Variants in FSTL5 observed in about 807,000 individuals in gnomAD.
The protein encoded by FSTL5 is follistatin-related protein 5.
Under a neutral mutation model 89.1 loss-of-function variants are expected in FSTL5, and 62 were observed. That is an observed-to-expected ratio of 0.70 (90% confidence interval 0.57 to 0.86). FSTL5 has a LOEUF of 0.86. FSTL5 is among the 40% of genes least tolerant of loss of function. FSTL5 has a pLI of 0.00. For synonymous variants in FSTL5, 383 were observed against 346.2 expected (o/e 1.11, Z -1.18); for missense variants, 1,057 against 1,001.6 (o/e 1.06, Z -0.75).
At chr4:162,125,165 T>C (rs1333832721) in intron 1 of FSTL5, among the ~76,000 whole-genome samples, 1 of 152,194 alleles carries the variant, frequency 6.6e-6, no homozygotes, top group Non-Finnish European at 1.5e-5. Context: ...TCAATTTTGG[T>C]TTCTGGACAT....
intron 2 of FSTL5, among the ~76,000 whole-genome samples, chr4:162,091,472 T>C (rs1304799080): frequency 6.6e-6 from 1 of 152,096 alleles, no homozygotes; most frequent in East Asian, 1.9e-4. Flanking sequence ...GTGTCTGGGG[T>C]TTTGGGGTGG....
At chr4:161,814,217 A>T (rs937265776) in intron 4 of FSTL5, among the ~76,000 whole-genome samples, 14 of 152,330 alleles carry the variant, frequency 9.2e-5, no homozygotes, top group Non-Finnish European at 1.8e-4. Flanking sequence ...TAGCAAGTAC[A>T]TAAAACATCA....
intron 6 of FSTL5, among the ~76,000 whole-genome samples, chr4:161,686,774 T>C (rs1458205055): frequency 6.6e-6 from 1 of 152,170 alleles, no homozygotes; most frequent in Non-Finnish European, 1.5e-5. Context: ...TCAGATTTTG[T>C]TCTAAATTGT....
chr4:161,903,326 A>C (rs1408484113), intron 4 of FSTL5, among the ~76,000 whole-genome samples: 1 of 152,102 alleles, frequency 6.6e-6, no homozygotes, highest in Non-Finnish European at 1.5e-5. Context: ...AAATACTTTA[A>C]AAATCTTCTT....
chr4:161,735,229 G>A (rs569599148), intron 6 of FSTL5, among the ~76,000 whole-genome samples: 2 of 152,282 alleles, frequency 1.3e-5, no homozygotes, highest in East Asian at 3.9e-4. Context: ...TGCAGATGAA[G>A]AGATGCATAG....
At chr4:161,458,676 C>G (rs1192554683) in intron 14 of FSTL5, among the ~76,000 whole-genome samples, 1 of 152,140 alleles carries the variant, frequency 6.6e-6, no homozygotes, top group Non-Finnish European at 1.5e-5. Flanking sequence ...ACTTGTAAGG[C>G]TAAGGACTGC....
chr4:162,087,587 CTTG>C (rs1231768953), intron 2 of FSTL5, among the ~76,000 whole-genome samples: 9 of 152,240 alleles, frequency 5.9e-5, no homozygotes, highest in East Asian at 3.9e-4. Flanking sequence ...TCTGCCCTCA[CTTG>C]TTGTAGAAAT....
intron 4 of FSTL5, among the ~76,000 whole-genome samples, chr4:161,798,536 C>T (rs1729701677): frequency 6.6e-6 from 1 of 150,798 alleles, no homozygotes; most frequent in African/African-American, 2.4e-5. Flanking sequence ...TCTTCAAAAT[C>T]TACAATATTG....
At position 161,947,780 on chromosome 4, in the gene FSTL5, T is replaced by C. The variant is rs187529892; in HGVS notation, c.161-27128A>G. ...CAAAAAAAGTCTTCTAGAATTTTCATTGGAATTCAGTTAAATTTATAATCA... is the reference window on the plus strand; with the variant it reads ...CAAAAAAAGTCTTCTAGAATTTTCACTGGAATTCAGTTAAATTTATAATCA... On this transcript the variant is annotated intron_variant, in intron 3 of 15. Coordinates refer to ENST00000306100, the MANE Select transcript of FSTL5 (RefSeq NM_020116.5). Among the ~76,000 whole-genome samples the C allele has an allele frequency of 3.1e-4, 47 of 152,244 alleles. No homozygotes were observed. The East Asian group carries it at 8.3e-3, about 27-fold the overall frequency.
At chr4:161,872,192 G>T (rs1247212584) in intron 4 of FSTL5, among the ~76,000 whole-genome samples, 1 of 141,248 alleles carries the variant, frequency 7.1e-6, no homozygotes, top group East Asian at 2.1e-4. Context: ...TGTCCAGGCT[G>T]GTCTCGAACT....
chr4:161,424,428 AT>A (rs972469416), intron 15 of FSTL5, among the ~76,000 whole-genome samples: 6 of 146,304 alleles, frequency 4.1e-5, no homozygotes, highest in African/African-American at 1.5e-4. Flanking sequence ...TTTAGGTTTT[AT>A]TTTTTGAGGA....
At chr4:161,515,437 C>T (rs1324772075) in intron 10 of FSTL5, among the ~76,000 whole-genome samples, 1 of 151,998 alleles carries the variant, frequency 6.6e-6, no homozygotes, top group Non-Finnish European at 1.5e-5. Context: ...GAACTCCTGA[C>T]CTCAGGTGAT....
At chr4:161,662,325 A>G (rs1736745352) in intron 6 of FSTL5, among the ~76,000 whole-genome samples, 3 of 152,188 alleles carry the variant, frequency 2.0e-5, no homozygotes, top group African/African-American at 7.2e-5. Flanking sequence ...GCATGATGAG[A>G]AGGAGCAGAA....
chr4:161,789,289 A>C (rs546874519), intron 4 of FSTL5, among the ~76,000 whole-genome samples: 1 of 152,218 alleles, frequency 6.6e-6, no homozygotes, highest in African/African-American at 2.4e-5. Context: ...TTGGTAAGTA[A>C]GTTTGGAGCA....
chr4:161,866,862 G>T (rs886666868), intron 4 of FSTL5, among the ~76,000 whole-genome samples: 1 of 151,804 alleles, frequency 6.6e-6, no homozygotes, highest in Non-Finnish European at 1.5e-5. Context: ...AGGAAATAAA[G>T]AAATAAATGA....
intron 8 of FSTL5, among the ~76,000 whole-genome samples, chr4:161,582,645 A>G (rs538659895): frequency 6.6e-6 from 1 of 152,306 alleles, no homozygotes; most frequent in African/African-American, 2.4e-5. Context: ...ATTTCTAGAT[A>G]TGTTATTATA....
At chr4:161,950,088 T>G (rs1734849360) in intron 3 of FSTL5, among the ~76,000 whole-genome samples, 1 of 152,142 alleles carries the variant, frequency 6.6e-6, no homozygotes, top group Admixed American at 6.6e-5. Context: ...TGTGAATTTC[T>G]GAGTCAATAC....
chr4:161,546,309 C>T (rs62324312), intron 8 of FSTL5, among the ~76,000 whole-genome samples: 1 of 131,922 alleles, frequency 7.6e-6, no homozygotes, highest in Non-Finnish European at 1.7e-5. Flanking sequence ...TATATATATA[C>T]ACATATATAA....
intron 14 of FSTL5, among the ~76,000 whole-genome samples, chr4:161,455,332 G>GA (rs906961661): frequency 1.3e-5 from 2 of 151,626 alleles, no homozygotes; most frequent in African/African-American, 4.8e-5. Flanking sequence ...TTTCTATAAA[G>GA]AAAAAAATAG....
Sources: gnomAD v4.1 joint callset for allele counts (sites outside exome capture counted in the v4.1 genomes callset) on GRCh38, gnomAD v4.1.1 for gene constraint, MANE v1.5 for transcripts, NCBI Gene and HGNC (gene_info 2026-07-23, HGNC 2026-07-21) for gene names.